The following DSPP variants were observed in gnomAD, a reference collection of about 807,000 sequenced individuals.
The protein encoded by DSPP is deafness, autosomal dominant 39.
Under a neutral mutation model 29.1 loss-of-function variants are expected in DSPP, and 28 were observed. The observed-to-expected ratio is 0.96, with a 90% CI of 0.71 to 1.32. DSPP has a LOEUF of 1.32. DSPP is among the 40% of genes most tolerant of loss of function. The pLI is 0.00. For synonymous variants in DSPP, 481 were observed against 503.4 expected (o/e 0.96, Z 0.60); for missense variants, 1,281 against 1,629.9 (o/e 0.79, Z 3.69).
chr4:87,613,649 T>G, intron 4 of DSPP, 136 bp from the exon 5 acceptor site: 1 of 1,309,734 alleles, frequency 7.6e-7, no homozygotes, highest in Non-Finnish European at 1.1e-6. Flanking sequence ...AAGCACATTT[T>G]CACAAATAAC....
In DSPP at chr4:87,613,083, A is replaced by G. The variant is rs2736982; in HGVS notation, c.897A>G (p.Ser299=). Residue 299 remains serine (S), a synonymous_variant, in exon 4 of 5, where the codon TCA becomes TCG. Transcript: ENST00000651931. Reference sequence around the variant, plus strand: ...ATGATAGTAGCATAGGTCAAAATTCAGATAGTAAAGAATATTATGACCCTG... The same window carrying G: ...ATGATAGTAGCATAGGTCAAAATTCGGATAGTAAAGAATATTATGACCCTG... ...DDHDSSIGQN[S]DSKEYYDPEG... is the part of the protein sequence containing the mutation. 993,294 of 1,613,822 alleles carry G rather than the reference A, an allele frequency of 0.62. 307,067 individuals carry two copies. Among genetic ancestry groups the G allele is most frequent in the African/African-American group, 0.73 (55,019 of 74,882 alleles).
In DSPP at chr4:87,614,565, G is replaced by T; in HGVS notation, c.1903G>T (p.Asp635Tyr). Residue 635 changes from aspartate (D) to tyrosine (Y), a missense_variant, in exon 5 of 5, where the codon GAT (aspartate) becomes TAT (tyrosine). Around this residue, in one of 4 missense-constraint regions of DSPP, gnomAD observed 444 missense variants for 611.4 expected, o/e 0.73. Coordinates refer to ENST00000651931, the MANE Select transcript of DSPP (RefSeq NM_014208.3). ...DSSKSESDSSDSDSKSDSSDS... is the reference protein window; with the variant it reads ...DSSKSESDSSYSDSKSDSSDS... ...CAGCAAATCAGAGAGCGACAGCAGT[G>T]ATAGTGACAGTAAGTCAGACAGCAG... is the stretch of plus-strand genomic sequence containing the variant. The T allele has an allele frequency of 6.4e-7, 1 of 1,550,946 alleles. No individual in the cohort carries two copies. The highest frequency in any genetic ancestry group is 1.2e-5 in the South Asian group (1 of 84,018).
At chr4:87,611,085 G>A in intron 2 of DSPP, 126 bp downstream of exon 2, 5 of 919,882 alleles carry the variant, frequency 5.4e-6, no homozygotes, top group Admixed American at 1.9e-5. Context: ...GTGTATATAT[G>A]TGTGTGTGTA....
Position 87,615,016 on chromosome 4 carries a change from G to T in DSPP, c.2354G>T (p.Ser785Ile). The T allele has an allele frequency of 6.4e-7, 1 of 1,551,084 alleles. No homozygotes were observed. The highest frequency in any genetic ancestry group is 8.7e-7 in the Non-Finnish European group (1 of 1,146,742). Reference protein sequence around the residue: ...DSSDSSNSSDSNDSSNSSDSS... With the variant: ...DSSDSSNSSDINDSSNSSDSS... ...AGTGACAGCAGCAACAGCAGTGATA[G>T]CAACGACAGCAGCAATAGCAGTGAC... Residue 785 changes from serine to isoleucine, a missense_variant, in exon 5 of 5, where the codon AGC (serine) becomes ATC (isoleucine). Ser to Ile is a moderately radical substitution (Grantham distance 142). Transcript: ENST00000651931.
At position 87,615,509 on chromosome 4, in the gene DSPP, C is replaced by G. The variant is rs1187777204; in HGVS notation, c.2847C>G (p.Asp949Glu). ...SNSSDSSDSS[D>E]SSNSSDSSNS... ...GCAGTGACAGCAGTGATAGCAGTGA[C>G]AGCAGTAATAGTAGTGACAGCAGCA... Residue 949 changes from aspartate to glutamate, a missense_variant, in exon 5 of 5, where the codon GAC (aspartate) becomes GAG (glutamate). By Grantham distance (45) the Asp-to-Glu change is conservative. Transcript: ENST00000651931. 5.8e-6 allele frequency: 9 copies of G among 1,542,620 alleles called. No individual in the cohort carries two copies. The Admixed American group carries it at 5.9e-5, about 10-fold the overall frequency.
Position 87,614,359 on chromosome 4 carries a change from G to T in DSPP, c.1697G>T (p.Ser566Ile), listed in dbSNP as rs1278223173. ...AGCAATAGCAGTGATAGTAGTGACA[G>T]CAGTGACAGTGACAGCAGTGATAGC... ...DSSNSSDSSDSSDSDSSDSNS... is the reference protein window; with the variant it reads ...DSSNSSDSSDISDSDSSDSNS... The change falls in exon 5 of 5, where the codon AGC becomes ATC. Residue 566 changes from serine (S) to isoleucine (I), a missense_variant. By Grantham distance (142) the Ser-to-Ile change is moderately radical (BLOSUM62 -2). This residue lies in a region of DSPP where 444 missense variants were observed against 611.4 expected (regional missense o/e 0.73). Transcript: ENST00000651931. 1 of 1,599,026 alleles carries T rather than the reference G, an allele frequency of 6.3e-7. No homozygotes were observed. Among genetic ancestry groups the T allele is most frequent in the Admixed American group, 1.7e-5 (1 of 58,532 alleles).
intron 4 of DSPP, 86 bp downstream of exon 4, chr4:87,613,394 C>A: frequency 6.7e-7 from 1 of 1,481,790 alleles, no homozygotes; most frequent in Non-Finnish European, 9.4e-7. Context: ...TAAACCATGA[C>A]AAGCATCCAT....
In DSPP at chr4:87,613,177, G is replaced by A. The variant is rs553062543; in HGVS notation, c.991G>A (p.Gly331Ser). ...CTCCAAGAGTGAGGAGAATTCTGCT[G>A]GTATTCCAGAAGACAATGGCAGCCA... ...KTSKSEENSA[G>S]IPEDNGSQRI... Residue 331 changes from glycine to serine, a missense_variant, in exon 4 of 5, where the codon GGT (glycine) becomes AGT (serine). This residue lies in a region of DSPP where 631 missense variants were observed against 643.2 expected (regional missense o/e 0.98). Coordinates refer to ENST00000651931, the MANE Select transcript of DSPP (RefSeq NM_014208.3). The A allele has an allele frequency of 6.2e-7, 1 of 1,614,062 alleles. No individual in the cohort carries two copies. Among genetic ancestry groups the A allele is most frequent in the Non-Finnish European group, 8.5e-7 (1 of 1,180,016 alleles).
rs965853566 is a variant in DSPP at position 87,611,035 on chromosome 4, G to C, written c.51+76G>C. On this transcript the variant is annotated intron_variant, in intron 2 of 4. Coordinates refer to ENST00000651931, the MANE Select transcript of DSPP (RefSeq NM_014208.3). ...CTAACATTAATACAAAATGTAGTGT[G>C]TGTGTGTGTGTGTGTGTGTGTGTGT... The C allele has an allele frequency of 5.6e-5, 50 of 885,078 alleles. No individual in the cohort carries two copies. In the African/African-American group the frequency reaches 8.9e-4, roughly 16 times the overall value. 54.8% of individuals were successfully genotyped at this position (885,078 alleles called of 1,614,324 possible).
rs1031589409 is a variant in DSPP, at chr4:87,616,287, G to A, written c.3625G>A (p.Asp1209Asn). 94 of 1,378,586 alleles carry A rather than the reference G, an allele frequency of 6.8e-5. No homozygotes were observed. Among genetic ancestry groups the A allele is most frequent in the Non-Finnish European group, 8.9e-5 (93 of 1,040,566 alleles). The allele number at this position is 1,378,586 out of a possible 1,614,324, so 85.4% of individuals were successfully genotyped here. A position where few individuals can be genotyped will look rare whatever the true frequency, so the allele number is the denominator to read the frequency against. Residue 1209 changes from aspartate (D) to asparagine (N), a missense_variant, in exon 5 of 5, where the codon GAC (aspartate) becomes AAC (asparagine). This residue lies in a region of DSPP where 134 missense variants were observed against 185.0 expected (regional missense o/e 0.72). Transcript: ENST00000651931. ...CAGCAGCGATAGTAGTGATAGCAGT[G>A]ACAGCAGTGACAGCAGCGACAGCAG... is the stretch of plus-strand genomic sequence containing the variant. ...SDSSDSSDSS[D>N]SSDSSDSSDS...
chr4:87,612,256 A>G, intron 3 of DSPP, 66 bp from the exon 4 acceptor site: 1 of 1,612,492 alleles, frequency 6.2e-7, no homozygotes, highest in Non-Finnish European at 8.5e-7. Flanking sequence ...AACTTCTCCA[A>G]GATTGCAATT....
In DSPP at chr4:87,615,473, C is replaced by T. The variant is rs1363615766; in HGVS notation, c.2811C>T (p.Asp937=). 6.4e-7 allele frequency: 1 copy of T among 1,550,412 alleles called. No homozygotes were observed. The highest frequency in any genetic ancestry group is 1.4e-5 in the African/African-American group (1 of 72,562). ...GTAGTGACAACAGCAATAGCAGTGACAGCAGCAACAGCAGTGACAGCAGTG... is the reference window on the plus strand; with the variant it reads ...GTAGTGACAACAGCAATAGCAGTGATAGCAGCAACAGCAGTGACAGCAGTG... ...SNSSDNSNSS[D]SSNSSDSSDS... The change falls in exon 5 of 5, where the codon GAC becomes GAT. Residue 937 remains aspartate (D), a synonymous_variant. Transcript: ENST00000651931.
At position 87,614,188 on chromosome 4, in the gene DSPP, G is replaced by A; in HGVS notation, c.1526G>A (p.Gly509Glu). ...KDNGNGSDSK[G>E]AEDDDSDSTS... ...AATGGCAATGGCAGTGACTCAAAAG[G>A]AGCAGAAGATGATGACAGTGATAGC... Residue 509 changes from glycine to glutamate, a missense_variant, in exon 5 of 5, where the codon GGA becomes GAA. By Grantham distance (98) the Gly-to-Glu change is moderately conservative (BLOSUM62 -2). Around this residue, in one of 4 missense-constraint regions of DSPP, gnomAD observed 631 missense variants for 643.2 expected, o/e 0.98. Transcript: ENST00000651931. The A allele has an allele frequency of 6.2e-7, 1 of 1,614,222 alleles. No homozygotes were observed. The highest frequency in any genetic ancestry group is 8.5e-7 in the Non-Finnish European group (1 of 1,180,038).
chr4:87,610,417 C>G (rs1227961553), intron 1 of DSPP, among the ~76,000 whole-genome samples: 1 of 152,206 alleles, frequency 6.6e-6, no homozygotes, highest in African/African-American at 2.4e-5. Context: ...ACCCCGTATT[C>G]TTTCCACTAG....
chr4:87,609,176 C>T (rs1308675494), intron 1 of DSPP, among the ~76,000 whole-genome samples: 1 of 152,136 alleles, frequency 6.6e-6, no homozygotes, highest in Non-Finnish European at 1.5e-5. Flanking sequence ...TCACCTGGGC[C>T]ATTTTTATTG....
rs1345595190 is a variant in DSPP at position 87,615,219 on chromosome 4, A to G, written c.2557A>G (p.Ser853Gly). Residue 853 changes from serine (S) to glycine (G), a missense_variant, in exon 5 of 5, where the codon AGC (serine) becomes GGC (glycine). Transcript: ENST00000651931. Reference protein sequence around the residue: ...DSSDSSDGSDSDSSNRSDSSN... With the variant: ...DSSDSSDGSDGDSSNRSDSSN... ...CAGCGATAGCAGTGACGGCAGTGATAGCGACAGCAGCAATAGAAGTGACAG... is the reference window on the plus strand; with the variant it reads ...CAGCGATAGCAGTGACGGCAGTGATGGCGACAGCAGCAATAGAAGTGACAG... The G allele has an allele frequency of 5.9e-6, 9 of 1,528,248 alleles. No individual in the cohort carries two copies. In the Admixed American group the frequency reaches 1.6e-4, roughly 28 times the overall value. 94.7% of individuals were successfully genotyped at this position (1,528,248 alleles called of 1,614,324 possible).
rs1277146132 is a variant in DSPP, at chr4:87,612,501, T to C, written c.315T>C (p.Asn105=). 3 of 1,613,924 alleles carry C rather than the reference T, an allele frequency of 1.9e-6. No homozygotes were observed. Among genetic ancestry groups the C allele is most frequent in the Non-Finnish European group, 2.5e-6 (3 of 1,179,968 alleles). ...TYSTLANEEG[N]IEGWNGDTGK... The stretch of plus-strand genomic sequence containing the variant: ...CCACATTAGCAAACGAAGAGGGGAA[T>C]ATTGAGGGCTGGAATGGGGACACAG... The change falls in exon 4 of 5, where the codon AAT becomes AAC. Residue 105 remains asparagine, a synonymous_variant. Coordinates refer to ENST00000651931, the MANE Select transcript of DSPP (RefSeq NM_014208.3).
intron 2 of DSPP, 143 bp from the exon 3 acceptor site, chr4:87,611,962 T>C: frequency 2.4e-6 from 2 of 850,582 alleles, no homozygotes; most frequent in Non-Finnish European, 1.9e-6. Context: ...GATTAGATCA[T>C]ACTTTGGCCT....
chr4:87,609,600 C>G (rs1170245637), intron 1 of DSPP, among the ~76,000 whole-genome samples: 1 of 152,110 alleles, frequency 6.6e-6, no homozygotes, highest in Admixed American at 6.6e-5. Flanking sequence ...ACTTTTTTCC[C>G]CCTCAGTAGC....
Sources: allele counts gnomAD v4.1 joint callset (sites outside exome capture counted in the v4.1 genomes callset), GRCh38; gene constraint gnomAD v4.1.1; regional missense constraint gnomAD v4.1.1; transcripts MANE v1.5; gene names NCBI Gene and HGNC (gene_info 2026-07-23, HGNC 2026-07-21).